ATXN2: variants seen among roughly 807,000 people sequenced by gnomAD.
The protein encoded by ATXN2 is ataxin-2.
In ATXN2, 37 loss-of-function variants were observed where a neutral mutation model predicts 138.6. The observed-to-expected ratio is 0.27, with a 90% CI of 0.21 to 0.35. ATXN2 has a LOEUF of 0.35. Among genes scored for constraint, ATXN2 ranks in the 10% least tolerant of loss-of-function variants. The pLI is 1.00. For synonymous variants in ATXN2, 549 were observed against 543.7 expected (o/e 1.01, Z -0.13); for missense variants, 1,216 against 1,480.3 (o/e 0.82, Z 2.93).
chr12:111,497,755 G>A (rs968208683), intron 14 of ATXN2, among the ~76,000 whole-genome samples: 4 of 151,790 alleles, frequency 2.6e-5, no homozygotes, highest in East Asian at 1.9e-4. Context: ...GGTGGCTCAC[G>A]CCTGTAATCC....
At chr12:111,466,818 T>G (rs937005911) in intron 20 of ATXN2, among the ~76,000 whole-genome samples, 1 of 152,108 alleles carries the variant, frequency 6.6e-6, no homozygotes, top group African/African-American at 2.4e-5. Flanking sequence ...ATTAAATGTT[T>G]TAAAAACCTA....
intron 14 of ATXN2, among the ~76,000 whole-genome samples, chr12:111,502,421 T>C (rs1463883285): frequency 6.6e-6 from 1 of 152,118 alleles, no homozygotes; most frequent in Non-Finnish European, 1.5e-5. Context: ...ATGGAAAACT[T>C]AAGTTCTTTT....
intron 11 of ATXN2, chr12:111,513,057 C>T (rs994235213): frequency 3.9e-5 from 12 of 307,154 alleles, no homozygotes; most frequent in African/African-American, 2.5e-4. Context: ...TACAATATAT[C>T]TGTATTTATG....
Position 111,485,319 on chromosome 12 carries a change from T to C in ATXN2, c.2470A>G (p.Ile824Val), listed in dbSNP as rs1338140819. 1 of 1,612,894 alleles carries C rather than the reference T, an allele frequency of 6.2e-7. No individual in the cohort carries two copies. Among genetic ancestry groups the C allele is most frequent in the African/African-American group, 1.3e-5 (1 of 74,984 alleles). ...TTCACTGGCATGGGCGTCATAGGTA[T>C]TGGGTATAAAGGCTTGAGAGAATTA... is the stretch of plus-strand genomic sequence containing the variant. The part of the protein sequence containing the change: ...VSPGVQPLYP[I>V]PMTPMPVNQA... The change falls in exon 18 of 25, where the codon ATA becomes GTA. Residue 824 changes from isoleucine (I) to valine (V), a missense_variant. Coordinates refer to ENST00000673436, the MANE Select transcript of ATXN2 (RefSeq NM_001372574.1).
intron 1 of ATXN2, among the ~76,000 whole-genome samples, chr12:111,570,189 G>A (rs1883238199): frequency 6.6e-6 from 1 of 152,072 alleles, no homozygotes; most frequent in African/African-American, 2.4e-5. Flanking sequence ...CACCAAGAAT[G>A]CTTCCTGACA....
chr12:111,483,391 C>T (rs527540798), intron 18 of ATXN2, among the ~76,000 whole-genome samples: 14 of 142,174 alleles, frequency 9.8e-5, no homozygotes, highest in South Asian at 4.4e-4. Context: ...CAGTTAATCA[C>T]TCTAAATTAA....
rs570624922 is a variant in ATXN2 at position 111,598,225 on chromosome 12, G to A, written c.251+559C>T. ...TTTCCCAGGACTCGGAGGGGGCGGG[G>A]AGAGAGCCCCGACAGACCCTGATGA... On this transcript the variant is annotated intron_variant, in intron 1 of 24. Coordinates refer to ENST00000673436, the MANE Select transcript of ATXN2 (RefSeq NM_001372574.1). This position sits in a 1 kb window ranked among gnomAD's most constrained non-coding sequence, Gnocchi z 4.5. 6.9e-5 allele frequency: 72 copies of A among 1,049,456 alleles called. 3 individuals are homozygous for A. The South Asian group carries it at 2.0e-3, about 30-fold the overall frequency. The allele number at this position is 1,049,456 out of a possible 1,614,324, so 65.0% of individuals were successfully genotyped here. A position where few individuals can be genotyped will look rare whatever the true frequency, so the allele number is the denominator to read the frequency against.
In ATXN2 at chr12:111,452,767, A is replaced by C; in HGVS notation, c.*45T>G. The C allele has an allele frequency of 1.3e-6, 2 of 1,573,452 alleles. No homozygotes were observed. Among genetic ancestry groups the C allele is most frequent in the Non-Finnish European group, 1.7e-6 (2 of 1,142,974 alleles). ...TGTGCTTCCAGTTGGTAGAAGCAGT[A>C]GAAGGGAGGAGGGAATTTGGCCTTT... On this transcript the variant is annotated 3_prime_UTR_variant, in exon 25 of 25. Transcript: ENST00000673436.
rs544644499 is a variant in ATXN2 at position 111,541,671 on chromosome 12, A to T, written c.571+10609T>A. On this transcript the variant is annotated intron_variant, in intron 5 of 24. Coordinates refer to ENST00000673436, the MANE Select transcript of ATXN2 (RefSeq NM_001372574.1). The stretch of plus-strand genomic sequence containing the variant: ...TTAATTCTGACATATTTTGTAGGGC[A>T]AGTCCTCCTTTATGACTCTTGTGGA... Among the ~76,000 whole-genome samples the T allele has an allele frequency of 2.5e-4, 38 of 149,468 alleles. 1 individual carries two copies. The highest frequency in any genetic ancestry group is 7.0e-4 in the African/African-American group (29 of 41,292).
intron 1 of ATXN2, among the ~76,000 whole-genome samples, chr12:111,594,184 A>G (rs1884817302): frequency 6.6e-6 from 1 of 152,198 alleles, no homozygotes; most frequent in Non-Finnish European, 1.5e-5. Flanking sequence ...TTATTCACTG[A>G]TTCATCCCAA....
intron 18 of ATXN2, among the ~76,000 whole-genome samples, chr12:111,483,410 C>CAAA (rs58159636): frequency 0.2 from 26,232 of 130,560 alleles, 2,571 homozygotes; most frequent in East Asian, 0.31. Flanking sequence ...AACTGGTTGG[C>CAAA]AAAAAAAAAA....
chr12:111,503,782 G>A (rs1193734705), intron 14 of ATXN2, among the ~76,000 whole-genome samples: 2 of 151,750 alleles, frequency 1.3e-5, no homozygotes, highest in Non-Finnish European at 2.9e-5. Context: ...TAAAGATAGG[G>A]TTTCGCCATG....
intron 10 of ATXN2, 91 bp from the exon 11 acceptor site, chr12:111,513,630 C>A: frequency 1.9e-6 from 2 of 1,065,438 alleles, no homozygotes; most frequent in Non-Finnish European, 2.6e-6. Flanking sequence ...CACACATGCA[C>A]ACACACTCAC....
intron 1 of ATXN2, among the ~76,000 whole-genome samples, chr12:111,572,184 G>A (rs932321274): frequency 1.3e-5 from 2 of 152,034 alleles, no homozygotes; most frequent in African/African-American, 4.8e-5. Flanking sequence ...TGGATCACCT[G>A]AGGTCAGGAG....
chr12:111,578,332 C>CCTGT (rs1182836008), intron 1 of ATXN2, among the ~76,000 whole-genome samples: 1 of 152,196 alleles, frequency 6.6e-6, no homozygotes, highest in Non-Finnish European at 1.5e-5. Context: ...CAAGCAACTT[C>CCTGT]CTGTCCTGCA....
intron 14 of ATXN2, among the ~76,000 whole-genome samples, chr12:111,493,256 C>T (rs918198508): frequency 1.3e-5 from 2 of 151,800 alleles, no homozygotes; most frequent in African/African-American, 4.8e-5. Context: ...CCCGTCTTTA[C>T]TAAAAATACA....
At position 111,521,730 on chromosome 12, in the gene ATXN2, T is replaced by C. The variant is rs185370635; in HGVS notation, c.697-757A>G. Among the ~76,000 whole-genome samples, 33 of 152,270 alleles carry C rather than the reference T, an allele frequency of 2.2e-4. No homozygotes were observed. The East Asian group carries it at 4.1e-3, about 19-fold the overall frequency. ...AATTCTACGAGGAAACTATAGGAAA[T>C]TACCATTCGCAAAAGGGAGGCTGCC... is the stretch of plus-strand genomic sequence containing the variant. On this transcript the variant is annotated intron_variant, in intron 6 of 24. Transcript: ENST00000673436.
At chr12:111,567,843 C>T (rs1189992083) in intron 1 of ATXN2, among the ~76,000 whole-genome samples, 1 of 152,152 alleles carries the variant, frequency 6.6e-6, no homozygotes, top group Non-Finnish European at 1.5e-5. Flanking sequence ...GTATGTTTGT[C>T]TGTCTTATTC....
Position 111,525,297 on chromosome 12 carries a change from A to G in ATXN2, c.591T>C (p.Ala197=). 6.3e-7 allele frequency: 1 copy of G among 1,599,122 alleles called. No individual in the cohort carries two copies. Among genetic ancestry groups the G allele is most frequent in the Non-Finnish European group, 8.5e-7 (1 of 1,175,198 alleles). ...GTTCGCCATTCACTTTAGCACTGAT[A>G]GCAGAGTCAGTAAAAGCATCTGCAA... ...YAKRDAFTDS[A]ISAKVNGEHK... Residue 197 remains alanine (A), a synonymous_variant, in exon 6 of 25, where the codon GCT becomes GCC. Coordinates refer to ENST00000673436, the MANE Select transcript of ATXN2 (RefSeq NM_001372574.1).
Sources: allele counts gnomAD v4.1 joint callset (sites outside exome capture counted in the v4.1 genomes callset), GRCh38; gene constraint gnomAD v4.1.1; non-coding constraint Gnocchi (gnomAD v3.1); transcripts MANE v1.5; gene names NCBI Gene and HGNC (gene_info 2026-07-23, HGNC 2026-07-21).